The following TAFA1 variants were observed in gnomAD, a reference collection of about 807,000 sequenced individuals.
The protein encoded by TAFA1 is TAFA chemokine like family member 1.
A neutral mutation model predicts 18.5 loss-of-function variants in TAFA1; 4 were observed. The observed-to-expected ratio is 0.22, with a 90% CI of 0.11 to 0.49. The LOEUF is 0.49. Among genes scored for constraint, TAFA1 ranks in the 20% least tolerant of loss-of-function variants. The pLI is 0.98. For synonymous variants in TAFA1, 56 were observed against 55.2 expected (o/e 1.01, Z -0.06); for missense variants, 147 against 169.0 (o/e 0.87, Z 0.72).
chr3:68,340,933 C>G (rs141645146), intron 2 of TAFA1, among the ~76,000 whole-genome samples: 2 of 152,162 alleles, frequency 1.3e-5, no homozygotes, highest in African/African-American at 2.4e-5. Flanking sequence ...AACAGACTTA[C>G]AGTGGAGACG....
chr3:68,318,495 T>A (rs902742142), intron 2 of TAFA1, among the ~76,000 whole-genome samples: 1 of 152,198 alleles, frequency 6.6e-6, no homozygotes, highest in Non-Finnish European at 1.5e-5. Flanking sequence ...TGCTGAGGAA[T>A]GGAAACCCAC....
At chr3:68,203,950 G>GCCCCCCCCCCCCC (rs68051336) in intron 2 of TAFA1, among the ~76,000 whole-genome samples, 10 of 126,152 alleles carry the variant, frequency 7.9e-5, no homozygotes, top group Non-Finnish European at 8.7e-5. Context: ...AATGTCAAAG[G>GCCCCCCCCCCCCC]CCCCCCCCAC....
chr3:68,055,874 C>T (rs540242627), intron 2 of TAFA1, among the ~76,000 whole-genome samples: 3 of 152,130 alleles, frequency 2.0e-5, no homozygotes, highest in South Asian at 2.1e-4. Context: ...GTCCTAGCCC[C>T]GATTTTCAGC....
At chr3:68,246,996 C>G (rs2067094072) in intron 2 of TAFA1, 1 of 152,130 alleles carries the variant, frequency 6.6e-6, no homozygotes, top group Non-Finnish European at 1.5e-5. Context: ...TGACTCTTTT[C>G]TCATTGGCTT....
At chr3:68,439,489 A>C (rs887690207) in intron 3 of TAFA1, among the ~76,000 whole-genome samples, 1 of 147,250 alleles carries the variant, frequency 6.8e-6, no homozygotes, top group Admixed American at 6.8e-5. Context: ...AAGGCCTTAC[A>C]ACAGGCCATC....
At chr3:68,320,856 C>A (rs1298740285) in intron 2 of TAFA1, among the ~76,000 whole-genome samples, 2 of 152,184 alleles carry the variant, frequency 1.3e-5, no homozygotes, top group Non-Finnish European at 2.9e-5. Context: ...CTCCTGCTTA[C>A]CTCCTTCTCC....
chr3:68,116,628 G>A (rs1191772677), intron 2 of TAFA1, among the ~76,000 whole-genome samples: 2 of 152,088 alleles, frequency 1.3e-5, no homozygotes, highest in Non-Finnish European at 2.9e-5. Flanking sequence ...CCTAGTTTCA[G>A]GTCATCAAAA....
Position 68,395,428 on chromosome 3 carries a change from A to G in TAFA1, c.119-21852A>G, listed in dbSNP as rs567726684. Reference sequence around the variant, plus strand: ...ACTAGAAATACCATTTGACCCAGCAATCCCATTACTGGCTATATACCCAAA... The same window carrying G: ...ACTAGAAATACCATTTGACCCAGCAGTCCCATTACTGGCTATATACCCAAA... On this transcript the variant is annotated intron_variant, in intron 2 of 4. Transcript: ENST00000478136. Among the ~76,000 whole-genome samples, 45 of 152,306 alleles carry G rather than the reference A, an allele frequency of 3.0e-4. 1 individual carries two copies. The South Asian group carries it at 8.9e-3, about 30-fold the overall frequency.
chr3:68,142,582 A>G (rs2065680802), intron 2 of TAFA1, among the ~76,000 whole-genome samples: 1 of 152,258 alleles, frequency 6.6e-6, no homozygotes, highest in Admixed American at 6.5e-5. Flanking sequence ...GTGGCAACAG[A>G]TTTGTGTGTT....
intron 3 of TAFA1, among the ~76,000 whole-genome samples, chr3:68,427,858 T>C (rs1346081955): frequency 2.0e-5 from 3 of 151,920 alleles, no homozygotes; most frequent in Admixed American, 1.3e-4. Flanking sequence ...TGAGATCTGA[T>C]GGTTTTATAA....
chr3:68,082,108 T>A (rs145332169), intron 2 of TAFA1, among the ~76,000 whole-genome samples: 1 of 152,180 alleles, frequency 6.6e-6, no homozygotes, highest in Non-Finnish European at 1.5e-5. Context: ...TTCTTTGACT[T>A]GGAAAGGGAA....
At chr3:68,487,375 A>C (rs759309810) in intron 3 of TAFA1, among the ~76,000 whole-genome samples, 1 of 152,224 alleles carries the variant, frequency 6.6e-6, no homozygotes, top group Non-Finnish European at 1.5e-5. Context: ...ACAGCAAGTT[A>C]ATTATGTTTT....
chr3:68,121,747 G>T (rs930920994), intron 2 of TAFA1, among the ~76,000 whole-genome samples: 2 of 151,984 alleles, frequency 1.3e-5, no homozygotes, highest in African/African-American at 4.8e-5. Flanking sequence ...CTATCAAAAC[G>T]TAGCATACAC....
intron 2 of TAFA1, among the ~76,000 whole-genome samples, chr3:68,262,026 T>C (rs1391509800): frequency 6.6e-6 from 1 of 151,744 alleles, no homozygotes; most frequent in Non-Finnish European, 1.5e-5. Flanking sequence ...ACTGATTTTA[T>C]AAAATGATTT....
At chr3:68,024,868 TC>T (rs1299213406) in intron 2 of TAFA1, among the ~76,000 whole-genome samples, 1 of 151,054 alleles carries the variant, frequency 6.6e-6, no homozygotes, top group Non-Finnish European at 1.5e-5. Flanking sequence ...CAATCATATT[TC>T]GGAAATAAAG....
intron 2 of TAFA1, among the ~76,000 whole-genome samples, chr3:68,288,497 CTGTTTGTCAAGCAAGGCTAGATTCCCTT>C (rs2068055330): frequency 6.6e-6 from 1 of 152,150 alleles, no homozygotes; most frequent in Non-Finnish European, 1.5e-5. Context: ...GTTGGTGCAG[CTGTTTGTCAAGCAAGGCTAGATTCCCTT>C]TGTTTGTATT....
rs767386435 is a variant in TAFA1, at chr3:68,525,283, C to T, written c.260-13473C>T. On this transcript the variant is annotated intron_variant, in intron 3 of 4. Transcript: ENST00000478136. Reference sequence around the variant, plus strand: ...AGTTGGCAGATTCATTCTGGTTTAGCGGGTTTGATATTAGTGAAATTACAT... The same window carrying T: ...AGTTGGCAGATTCATTCTGGTTTAGTGGGTTTGATATTAGTGAAATTACAT... Among the ~76,000 whole-genome samples the T allele has an allele frequency of 4.7e-4, 72 of 152,062 alleles. 1 individual carries two copies. Among genetic ancestry groups the T allele is most frequent in the Non-Finnish European group, 4.1e-4 (28 of 68,004 alleles).
At chr3:68,461,332 C>T (rs1351102293) in intron 3 of TAFA1, among the ~76,000 whole-genome samples, 1 of 135,254 alleles carries the variant, frequency 7.4e-6, no homozygotes, top group Non-Finnish European at 1.5e-5. Flanking sequence ...GCCAGGATAT[C>T]CTGAAGGAAC....
chr3:68,259,992 G>A (rs1354990166), intron 2 of TAFA1, among the ~76,000 whole-genome samples: 36 of 152,192 alleles, frequency 2.4e-4, no homozygotes, highest in African/African-American at 8.7e-4. Flanking sequence ...GGAGTGGTGA[G>A]AGAGGGCATC....
Sources: allele counts gnomAD v4.1 joint callset (sites outside exome capture counted in the v4.1 genomes callset), GRCh38; gene constraint gnomAD v4.1.1; transcripts MANE v1.5; gene names NCBI Gene and HGNC (gene_info 2026-07-23, HGNC 2026-07-21).